SGPL1: variants seen among roughly 807,000 people sequenced by gnomAD.
The protein encoded by SGPL1 is sphingosine-1-phosphate lyase 1, also known as SP-lyase 1.
SGPL1 carries 37 observed loss-of-function variants against 68.9 expected under a neutral mutation model. That is an observed-to-expected ratio of 0.54 (90% CI 0.41 to 0.71). SGPL1 has a LOEUF of 0.71. SGPL1 is among the 30% of genes least tolerant of loss of function. SGPL1 has a pLI of 0.00. For missense variants in SGPL1, 551 were observed against 704.6 expected (o/e 0.78, Z 2.47); for synonymous variants, 236 against 248.5 (o/e 0.95, Z 0.47).
At chr10:70,852,111 A>G (rs1322201626) in intron 4 of SGPL1, among the ~76,000 whole-genome samples, 1 of 152,176 alleles carries the variant, frequency 6.6e-6, no homozygotes, top group East Asian at 1.9e-4. Flanking sequence ...CATCTCCTCC[A>G]GTGCCCTCCC....
intron 3 of SGPL1, among the ~76,000 whole-genome samples, chr10:70,847,954 AGAG>A (rs1845816727): frequency 1.3e-5 from 2 of 152,220 alleles, no homozygotes; most frequent in Admixed American, 1.3e-4. Flanking sequence ...AGCCTGGGGT[AGAG>A]GAGAAGTGGG....
Position 70,875,387 on chromosome 10 carries a change from T to C in SGPL1, c.1299-15T>C. 1 of 716,422 alleles carries C rather than the reference T, an allele frequency of 1.4e-6. No individual in the cohort carries two copies. Among genetic ancestry groups the C allele is most frequent in the Non-Finnish European group, 1.9e-6 (1 of 517,888 alleles). The allele number at this position is 716,422 out of a possible 1,614,324, so 44.4% of individuals were successfully genotyped here. Reference sequence around the variant, plus strand: ...AATTTACTTTTTCTTCCTTCATTTATTTTTTTGTTTTAAGACTGGAAAATA... The same window carrying C: ...AATTTACTTTTTCTTCCTTCATTTACTTTTTTGTTTTAAGACTGGAAAATA... On this transcript the variant is annotated splice_polypyrimidine_tract_variant and intron_variant, in intron 12 of 14. Coordinates refer to ENST00000373202, the MANE Select transcript of SGPL1 (RefSeq NM_003901.4).
chr10:70,819,269 G>T (rs949938947), intron 2 of SGPL1, among the ~76,000 whole-genome samples: 3 of 152,210 alleles, frequency 2.0e-5, no homozygotes, highest in African/African-American at 4.8e-5. Context: ...TGCTTTGCTT[G>T]TTGCTGTAAG....
chr10:70,846,962 C>T (rs536863509), intron 3 of SGPL1, among the ~76,000 whole-genome samples: 33 of 151,976 alleles, frequency 2.2e-4, no homozygotes, highest in South Asian at 8.3e-4. Flanking sequence ...TTTTGCTTAG[C>T]TAATAGTAGA....
chr10:70,860,324 G>T lies in SGPL1; in HGVS notation c.615+825G>T. The T allele has an allele frequency of 1.3e-5, 6 of 459,440 alleles. No individual in the cohort carries two copies. In the Middle Eastern group the frequency reaches 1.7e-3, roughly 128 times the overall value. 28.5% of individuals were successfully genotyped at this position (459,440 alleles called of 1,614,324 possible). A position where few individuals can be genotyped will look rare whatever the true frequency, so the allele number is the denominator to read the frequency against. On this transcript the variant is annotated intron_variant, in intron 7 of 14. Coordinates refer to ENST00000373202, the MANE Select transcript of SGPL1 (RefSeq NM_003901.4). ...TCATCATATTTGCAGTCATTATAAA[G>T]ACTGCAGATTTAATTATTGAAGGGC...
chr10:70,865,453 T>C (rs1031695512), intron 7 of SGPL1, among the ~76,000 whole-genome samples: 1 of 152,268 alleles, frequency 6.6e-6, no homozygotes, highest in Non-Finnish European at 1.5e-5. Context: ...GGATAGAGTC[T>C]GATTCCCAGG....
chr10:70,831,003 ACT>A (rs1161374464), intron 2 of SGPL1, among the ~76,000 whole-genome samples: 1 of 151,934 alleles, frequency 6.6e-6, no homozygotes, highest in Non-Finnish European at 1.5e-5. Context: ...AGGCAAAACA[ACT>A]CTCTGTCATA....
At chr10:70,861,373 T>C (rs544184806) in intron 7 of SGPL1, among the ~76,000 whole-genome samples, 2 of 152,316 alleles carry the variant, frequency 1.3e-5, no homozygotes, top group South Asian at 4.1e-4. Flanking sequence ...GGACAACTGA[T>C]ACTCAATAGC....
chr10:70,860,420 A>C (rs1302952107), intron 7 of SGPL1: 1 of 469,086 alleles, frequency 2.1e-6, no homozygotes, highest in East Asian at 7.0e-5. Flanking sequence ...TTGTTTTTCT[A>C]ATATGTTGGC....
At chr10:70,816,906 G>A (rs1167734995) in intron 2 of SGPL1, 26 bp downstream of exon 2, 2 of 1,612,462 alleles carry the variant, frequency 1.2e-6, no homozygotes, top group East Asian at 2.2e-5. Context: ...ACATCCTCCT[G>A]GTTCCAAGGC....
rs77970974 is a variant in SGPL1, at chr10:70,858,568, A to C, written c.487-803A>C. ...ACTAAATAAATATGGCAGGTTTTGC[A>C]TAAGTTGGTGTAATGCTCTGATCTT... On this transcript the variant is annotated intron_variant, in intron 6 of 14. Transcript: ENST00000373202. 1.2e-4 allele frequency among the ~76,000 whole-genome samples: 18 copies of C among 152,300 alleles called. 1 individual carries two copies. The South Asian group carries it at 3.1e-3, about 26-fold the overall frequency.
At chr10:70,816,904 C>T (rs775208602) in intron 2 of SGPL1, 24 bp downstream of exon 2, 3 of 1,612,870 alleles carry the variant, frequency 1.9e-6, no homozygotes, top group Non-Finnish European at 2.5e-6. Flanking sequence ...AGACATCCTC[C>T]TGGTTCCAAG....
chr10:70,824,459 C>CTA (rs1564616806), intron 2 of SGPL1, among the ~76,000 whole-genome samples: 1 of 152,140 alleles, frequency 6.6e-6, no homozygotes, highest in African/African-American at 2.4e-5. Flanking sequence ...TGAAAATGGA[C>CTA]TATTTGTCTG....
intron 3 of SGPL1, 57 bp downstream of exon 3, chr10:70,844,695 A>G (rs1369749655): frequency 1.3e-6 from 2 of 1,486,634 alleles, no homozygotes; most frequent in Admixed American, 1.9e-5. Context: ...CCTCAAACTA[A>G]TTGCTGAGAG....
intron 2 of SGPL1, among the ~76,000 whole-genome samples, chr10:70,836,231 A>G (rs1233329141): frequency 6.6e-6 from 1 of 152,226 alleles, no homozygotes; most frequent in African/African-American, 2.4e-5. Context: ...GAGAGAATAC[A>G]TTGGAATATC....
chr10:70,870,695 G>T (rs1479017985), intron 9 of SGPL1, among the ~76,000 whole-genome samples: 1 of 152,124 alleles, frequency 6.6e-6, no homozygotes, highest in Non-Finnish European at 1.5e-5. Flanking sequence ...TATTATTGTA[G>T]TTCACAGATA....
At chr10:70,852,117 C>T (rs1203767180) in intron 4 of SGPL1, among the ~76,000 whole-genome samples, 1 of 152,222 alleles carries the variant, frequency 6.6e-6, no homozygotes, top group Non-Finnish European at 1.5e-5. Flanking sequence ...CTCCAGTGCC[C>T]TCCCCTGACC....
At chr10:70,836,160 A>G (rs1443113293) in intron 2 of SGPL1, among the ~76,000 whole-genome samples, 2 of 152,242 alleles carry the variant, frequency 1.3e-5, no homozygotes, top group African/African-American at 4.8e-5. Flanking sequence ...TCAGCCTGTC[A>G]GCAGGAATGT....
chr10:70,866,013 T>TGAAGTATAGTTAAAA (rs1161650362), intron 7 of SGPL1, among the ~76,000 whole-genome samples: 5 of 152,210 alleles, frequency 3.3e-5, no homozygotes, highest in Admixed American at 3.3e-4. Context: ...AAAATTCCTG[T>TGAAGTATAGTTAAAA]TTCTCTTTGG....
Sources: allele counts gnomAD v4.1 joint callset (sites outside exome capture counted in the v4.1 genomes callset), GRCh38; gene constraint gnomAD v4.1.1; transcripts MANE v1.5; gene names NCBI Gene and HGNC (gene_info 2026-07-23, HGNC 2026-07-21).